Variants in HS3ST4 observed in about 807,000 individuals in gnomAD.
HS3ST4 encodes the protein heparan sulfate glucosamine 3-O-sulfotransferase 4.
HS3ST4 carries 17 observed loss-of-function variants against 29.2 expected under a neutral mutation model. That is an observed-to-expected ratio of 0.58 (90% confidence interval 0.40 to 0.87). The LOEUF (loss-of-function observed/expected upper bound fraction) is 0.87. Among genes scored for constraint, HS3ST4 ranks in the 40% least tolerant of loss-of-function variants. The pLI is 0.00. For synonymous variants in HS3ST4, 314 were observed against 285.7 expected (o/e 1.10, Z -1.00); for missense variants, 627 against 634.5 (o/e 0.99, Z 0.13).
intron 1 of HS3ST4, among the ~76,000 whole-genome samples, chr16:26,099,616 T>G (rs184570784): frequency 3.2e-4 from 48 of 152,310 alleles, no homozygotes; most frequent in Admixed American, 3.0e-3. Context: ...ATCATCAGAC[T>G]TCATGAGAAA....
intron 1 of HS3ST4, among the ~76,000 whole-genome samples, chr16:26,051,255 CT>C (rs1442421425): frequency 6.6e-6 from 1 of 151,984 alleles, no homozygotes; most frequent in Non-Finnish European, 1.5e-5. Flanking sequence ...TTAATGACAC[CT>C]GCCTACTGTG....
At chr16:26,054,299 AAGG>A (rs1555481161) in intron 1 of HS3ST4, among the ~76,000 whole-genome samples, 1 of 141,700 alleles carries the variant, frequency 7.1e-6, no homozygotes, top group African/African-American at 2.9e-5. Context: ...AGAGAGAGAG[AAGG>A]AGGAGGAGGA....
chr16:25,725,312 A>T (rs1249646000), intron 1 of HS3ST4, among the ~76,000 whole-genome samples: 1 of 152,118 alleles, frequency 6.6e-6, no homozygotes, highest in African/African-American at 2.4e-5. Flanking sequence ...TGATTTACTT[A>T]CCACAACCAT....
intron 1 of HS3ST4, among the ~76,000 whole-genome samples, chr16:25,898,712 C>G (rs1968094329): frequency 6.6e-6 from 1 of 152,144 alleles, no homozygotes; most frequent in Admixed American, 6.5e-5. Context: ...GTTATTAAAT[C>G]CTCTCTGGGA....
intron 1 of HS3ST4, among the ~76,000 whole-genome samples, chr16:26,020,948 T>C (rs1398697049): frequency 6.6e-6 from 1 of 152,202 alleles, no homozygotes; most frequent in Admixed American, 6.5e-5. Context: ...ATGGGGATGG[T>C]TGGTAAGAAT....
At chr16:25,837,926 C>A (rs1192295562) in intron 1 of HS3ST4, among the ~76,000 whole-genome samples, 1 of 152,060 alleles carries the variant, frequency 6.6e-6, no homozygotes, top group African/African-American at 2.4e-5. Context: ...TTGAACCCAC[C>A]TCCCTCTCCC....
chr16:25,969,093 C>T (rs1053843373), intron 1 of HS3ST4, among the ~76,000 whole-genome samples: 3 of 152,230 alleles, frequency 2.0e-5, no homozygotes, highest in Non-Finnish European at 4.4e-5. Context: ...GCTGGGATTA[C>T]AGGCGTGAGC....
chr16:25,759,973 G>C (rs948791276), intron 1 of HS3ST4, among the ~76,000 whole-genome samples: 1 of 152,106 alleles, frequency 6.6e-6, no homozygotes, highest in African/African-American at 2.4e-5. Flanking sequence ...TGTGAAATAG[G>C]AAGTAGTGTT....
chr16:26,041,012 A>G (rs1969632082), intron 1 of HS3ST4, among the ~76,000 whole-genome samples: 2 of 152,128 alleles, frequency 1.3e-5, no homozygotes, highest in African/African-American at 4.8e-5. Flanking sequence ...TCTCCTTCAC[A>G]GCTATGGTCT....
intron 1 of HS3ST4, among the ~76,000 whole-genome samples, chr16:25,812,703 C>CTTTTT (rs11382075): frequency 3.4e-5 from 5 of 146,586 alleles, no homozygotes; most frequent in Non-Finnish European, 1.5e-5. Context: ...AAAGTACTTC[C>CTTTTT]TTTTTTTTTT....
chr16:25,924,942 G>A (rs1410720879), intron 1 of HS3ST4, among the ~76,000 whole-genome samples: 1 of 152,090 alleles, frequency 6.6e-6, no homozygotes, highest in Non-Finnish European at 1.5e-5. Context: ...TTGATTGCAA[G>A]TGTATTCATT....
At chr16:25,970,495 C>T (rs1968885676) in intron 1 of HS3ST4, among the ~76,000 whole-genome samples, 2 of 152,056 alleles carry the variant, frequency 1.3e-5, no homozygotes, top group East Asian at 3.8e-4. Flanking sequence ...ATCATTCACT[C>T]ATTCATCCAT....
At chr16:26,004,998 C>T (rs1969244991) in intron 1 of HS3ST4, among the ~76,000 whole-genome samples, 1 of 151,710 alleles carries the variant, frequency 6.6e-6, no homozygotes, top group Admixed American at 6.6e-5. Context: ...TTTTAATATC[C>T]CAGTTCACCT....
intron 1 of HS3ST4, among the ~76,000 whole-genome samples, chr16:25,860,919 C>T (rs748493064): frequency 2.9e-4 from 44 of 152,106 alleles, no homozygotes; most frequent in Non-Finnish European, 4.9e-4. Context: ...ATAAATGCAC[C>T]ATGCTGCTGG....
At chr16:25,741,573 TA>T (rs1158032618) in intron 1 of HS3ST4, among the ~76,000 whole-genome samples, 1 of 152,132 alleles carries the variant, frequency 6.6e-6, no homozygotes, top group Admixed American at 6.6e-5. Context: ...TTGGAGCTTA[TA>T]AAACCCTTTT....
At chr16:25,873,099 G>C (rs1967773120) in intron 1 of HS3ST4, among the ~76,000 whole-genome samples, 1 of 152,014 alleles carries the variant, frequency 6.6e-6, no homozygotes, top group Non-Finnish European at 1.5e-5. Flanking sequence ...AGTTCTAACT[G>C]TTCCCATGTA....
intron 1 of HS3ST4, among the ~76,000 whole-genome samples, chr16:25,871,121 T>TAAAA (rs1382156841): frequency 1.3e-5 from 2 of 152,146 alleles, no homozygotes; most frequent in Non-Finnish European, 2.9e-5. Context: ...GGATGAGACA[T>TAAAA]ACAAGAGTTT....
At chr16:25,753,386 A>G (rs573612395) in intron 1 of HS3ST4, among the ~76,000 whole-genome samples, 5 of 152,332 alleles carry the variant, frequency 3.3e-5, no homozygotes, top group Admixed American at 3.3e-4. Flanking sequence ...TTCATAGTCC[A>G]GGTCTCATAA....
intron 1 of HS3ST4, among the ~76,000 whole-genome samples, chr16:25,769,866 G>A (rs535413677): frequency 6.6e-5 from 10 of 152,194 alleles, no homozygotes; most frequent in African/African-American, 2.4e-4. Flanking sequence ...GGGGCAATGG[G>A]GAGACAACAA....
Sources: allele counts gnomAD v4.1 joint callset (sites outside exome capture counted in the v4.1 genomes callset), GRCh38; gene constraint gnomAD v4.1.1; transcripts MANE v1.5; gene names NCBI Gene and HGNC (gene_info 2026-07-23, HGNC 2026-07-21).